The following SKAP2 variants were observed in gnomAD, a reference collection of about 807,000 sequenced individuals.
SKAP2 encodes src kinase-associated phosphoprotein 2.
Under a neutral mutation model 54.9 loss-of-function variants are expected in SKAP2, and 28 were observed. The observed-to-expected ratio is 0.51, with a 90% CI of 0.38 to 0.70. The LOEUF is 0.70. Among genes scored for constraint, SKAP2 ranks in the 30% least tolerant of loss-of-function variants. SKAP2 has a pLI of 0.00. For synonymous variants in SKAP2, 137 were observed against 134.3 expected, an observed-to-expected ratio of 1.02 and a Z score of -0.14; for missense variants, 356 against 424.1, an observed-to-expected ratio of 0.84 and a Z score of 1.41.
At chr7:26,695,857 C>A (rs1405232597) in intron 9 of SKAP2, among the ~76,000 whole-genome samples, 2 of 152,166 alleles carry the variant, frequency 1.3e-5, no homozygotes, top group African/African-American at 4.8e-5. Context: ...GCATTGCACA[C>A]AAGATGCCCG....
chr7:26,841,177 T>C (rs766993639), intron 4 of SKAP2, among the ~76,000 whole-genome samples: 27 of 152,084 alleles, frequency 1.8e-4, no homozygotes, highest in Non-Finnish European at 2.8e-4. Context: ...GACAAAGCTG[T>C]GGCTACTCTA....
intron 4 of SKAP2, among the ~76,000 whole-genome samples, chr7:26,788,826 A>G (rs549273046): frequency 2.5e-4 from 38 of 151,530 alleles, no homozygotes; most frequent in Admixed American, 7.9e-4. Flanking sequence ...ACACGTGCGC[A>G]CACACACACA....
intron 4 of SKAP2, among the ~76,000 whole-genome samples, chr7:26,820,971 T>C (rs1370040244): frequency 1.3e-5 from 2 of 152,174 alleles, no homozygotes; most frequent in African/African-American, 4.8e-5. Context: ...TTTTACAAAT[T>C]AAGAAACTAA....
chr7:26,851,231 C>T (rs1467157191), intron 3 of SKAP2, among the ~76,000 whole-genome samples: 1 of 131,974 alleles, frequency 7.6e-6, no homozygotes, highest in African/African-American at 2.9e-5. Context: ...CAGTCTGTGA[C>T]ACGTGGCGAA....
chr7:26,822,416 A>G (rs1784401074), intron 4 of SKAP2, among the ~76,000 whole-genome samples: 1 of 152,068 alleles, frequency 6.6e-6, no homozygotes, highest in African/African-American at 2.4e-5. Flanking sequence ...GTTGCCATCT[A>G]ATTGTTTTGG....
chr7:26,792,166 A>C (rs759195722), intron 4 of SKAP2, among the ~76,000 whole-genome samples: 1 of 152,178 alleles, frequency 6.6e-6, no homozygotes, highest in Non-Finnish European at 1.5e-5. Context: ...AAATCAGATA[A>C]GTGGTTGCCA....
chr7:26,845,791 G>A lies in SKAP2; in HGVS notation c.200-1654C>T, dbSNP rs145642673. 6.5e-4 allele frequency among the ~76,000 whole-genome samples: 99 copies of A among 152,126 alleles called. 1 individual carries two copies. The East Asian group carries it at 7.0e-3, about 11-fold the overall frequency. ...TAAATAAAAATAAAAACAATTAGCC[G>A]GGTGTGGTGGCCTGCACCTATAGTC... On this transcript the variant is annotated intron_variant, in intron 3 of 12. Coordinates refer to ENST00000345317, the MANE Select transcript of SKAP2 (RefSeq NM_003930.5).
downstream of SKAP2, among the ~76,000 whole-genome samples, chr7:26,665,960 C>G (rs1786099106): frequency 6.6e-6 from 1 of 151,382 alleles, no homozygotes; most frequent in East Asian, 1.9e-4. Flanking sequence ...TCATATTCAT[C>G]AAATGTTTTT....
chr7:26,824,714 C>T (rs1207585749), intron 4 of SKAP2, among the ~76,000 whole-genome samples: 1 of 152,166 alleles, frequency 6.6e-6, no homozygotes, highest in Non-Finnish European at 1.5e-5. Flanking sequence ...CATACTGCTG[C>T]TGTTGTAGCA....
intron 6 of SKAP2, among the ~76,000 whole-genome samples, chr7:26,735,662 T>TG (rs1787914492): frequency 6.6e-6 from 1 of 152,206 alleles, no homozygotes; most frequent in Non-Finnish European, 1.5e-5. Context: ...CCTACTTAGT[T>TG]GGAGGATTAT....
intron 4 of SKAP2, among the ~76,000 whole-genome samples, chr7:26,764,791 T>C (rs1169720774): frequency 1.3e-5 from 2 of 152,266 alleles, no homozygotes; most frequent in East Asian, 3.9e-4. Context: ...GACCTCGTGA[T>C]CCGCCCACCT....
chr7:26,692,323 T>C (rs1786803604), intron 9 of SKAP2, among the ~76,000 whole-genome samples: 1 of 152,114 alleles, frequency 6.6e-6, no homozygotes, highest in Admixed American at 6.5e-5. Context: ...GAGTTGTGTT[T>C]TCAACAGGAG....
rs542723717 is a variant in SKAP2, at chr7:26,718,611, T to C, written c.796+6817A>G. Among the ~76,000 whole-genome samples, 737 of 151,880 alleles carry C rather than the reference T, an allele frequency of 4.9e-3. 6 individuals are homozygous for C. Among genetic ancestry groups the C allele is most frequent in the African/African-American group, 0.017 (698 of 41,472 alleles). ...ACCTCCACCTCCCAGATTCAAGCAA[T>C]TCTCCTGCCTCAGCACCCCGAGTAG... On this transcript the variant is annotated intron_variant, in intron 9 of 12. Transcript: ENST00000345317.
At chr7:26,733,073 G>C (rs1402326917) in intron 6 of SKAP2, among the ~76,000 whole-genome samples, 2 of 151,912 alleles carry the variant, frequency 1.3e-5, no homozygotes, top group African/African-American at 4.8e-5. Context: ...GGAGGTTGCA[G>C]TGTGCTGAGA....
At chr7:26,819,027 A>G (rs1468452459) in intron 4 of SKAP2, among the ~76,000 whole-genome samples, 1 of 152,182 alleles carries the variant, frequency 6.6e-6, no homozygotes, top group African/African-American at 2.4e-5. Flanking sequence ...TTCCTCAAGG[A>G]TCTGGAACCA....
intron 4 of SKAP2, among the ~76,000 whole-genome samples, chr7:26,741,505 C>T (rs1170332731): frequency 6.7e-6 from 1 of 148,924 alleles, no homozygotes; most frequent in Non-Finnish European, 1.5e-5. Context: ...TGCCACTGCG[C>T]TCCAGCCTGG....
At position 26,725,909 on chromosome 7, in the gene SKAP2, T is replaced by C. The variant is rs775127107; in HGVS notation, c.658+14A>G. On this transcript the variant is annotated intron_variant, in intron 8 of 12. Coordinates refer to ENST00000345317, the MANE Select transcript of SKAP2 (RefSeq NM_003930.5). Reference sequence around the variant, plus strand: ...TTAAAGACTGTGATAACTTGTTCGATTGATTTATCTTACCTTGCAATACAA... The same window carrying C: ...TTAAAGACTGTGATAACTTGTTCGACTGATTTATCTTACCTTGCAATACAA... 1.6e-5 allele frequency: 26 copies of C among 1,595,388 alleles called. No homozygotes were observed. The South Asian group carries it at 2.4e-4, about 15-fold the overall frequency.
intron 9 of SKAP2, among the ~76,000 whole-genome samples, chr7:26,697,285 A>G (rs1786914483): frequency 1.3e-5 from 2 of 152,118 alleles, no homozygotes; most frequent in Admixed American, 1.3e-4. Context: ...TCTTGTATAC[A>G]CTCGATCACC....
chr7:26,842,304 A>T (rs1203632327), intron 4 of SKAP2, among the ~76,000 whole-genome samples: 1 of 151,650 alleles, frequency 6.6e-6, no homozygotes, highest in Non-Finnish European at 1.5e-5. Context: ...AATCAATAAA[A>T]TAACCTTTTA....
Sources: gnomAD v4.1 joint callset for allele counts (sites outside exome capture counted in the v4.1 genomes callset) on GRCh38, gnomAD v4.1.1 for gene constraint, MANE v1.5 for transcripts, NCBI Gene and HGNC (gene_info 2026-07-23, HGNC 2026-07-21) for gene names.